SPG11: variants seen among roughly 807,000 people sequenced by gnomAD.
SPG11 encodes the protein spatacsin.
SPG11 carries 222 observed loss-of-function variants against 274.0 expected under a neutral mutation model. The observed-to-expected ratio is 0.81, with a 90% confidence interval of 0.73 to 0.91. The LOEUF (loss-of-function observed/expected upper bound fraction) is 0.91, where lower values mean the gene tolerates loss of function less well. Ranked by LOEUF, SPG11 falls within the 40% of genes least tolerant of loss-of-function variation. The probability of loss-of-function intolerance (pLI) is 0.00; values close to 1 mark genes in which losing one functional copy is unlikely to be tolerated. For synonymous variants in SPG11, 1,144 were observed against 1,039.7 expected, an observed-to-expected ratio of 1.10 and a Z score of -1.93; for missense variants, 3,114 against 2,872.7, an observed-to-expected ratio of 1.08 and a Z score of -1.92.
intron 15 of SPG11, among the ~76,000 whole-genome samples, chr15:44,619,573 A>G (rs565625342): frequency 6.6e-6 from 1 of 152,316 alleles, no homozygotes; most frequent in Admixed American, 6.5e-5. Flanking sequence ...ATACTAAGGT[A>G]TCTCCATCTC....
chr15:44,598,523 G>C (rs780044942), intron 22 of SPG11, 108 bp downstream of exon 22: 8 of 1,332,288 alleles, frequency 6.0e-6, no homozygotes, highest in Non-Finnish European at 8.6e-6. Context: ...GCAGGAAAAG[G>C]ATAAAACCAA....
intron 21 of SPG11, among the ~76,000 whole-genome samples, chr15:44,599,521 A>G (rs1456954371): frequency 6.6e-6 from 1 of 152,040 alleles, no homozygotes; most frequent in Non-Finnish European, 1.5e-5. Context: ...GCTGGTCTCA[A>G]ACTCCTGAGG....
intron 14 of SPG11, 147 bp downstream of exon 14, chr15:44,621,612 C>A: frequency 2.6e-6 from 2 of 773,450 alleles, no homozygotes; most frequent in Admixed American, 2.2e-5. Context: ...AGAAAGAGAT[C>A]TTAATGCAAC....
chr15:44,635,595 C>CAA (rs56776994), intron 7 of SPG11, among the ~76,000 whole-genome samples: 9 of 54,082 alleles, frequency 1.7e-4, no homozygotes, highest in Middle Eastern at 0.012. Context: ...AACCCTGTCT[C>CAA]AAAAAAAAAA....
intron 26 of SPG11, among the ~76,000 whole-genome samples, chr15:44,593,632 A>G (rs1035785297): frequency 2.0e-5 from 3 of 152,146 alleles, no homozygotes; most frequent in Non-Finnish European, 2.9e-5. Context: ...ATTAGAAAGT[A>G]TGGCTCTGAA....
chr15:44,598,120 G>A, intron 23 of SPG11, 145 bp downstream of exon 23: 1 of 659,732 alleles, frequency 1.5e-6, no homozygotes, highest in Non-Finnish European at 2.8e-6. Flanking sequence ...CATTTACTGA[G>A]TATCTGCTAC....
intron 20 of SPG11, among the ~76,000 whole-genome samples, chr15:44,604,590 A>G (rs2083272568): frequency 1.3e-5 from 2 of 152,150 alleles, no homozygotes; most frequent in Non-Finnish European, 2.9e-5. Context: ...AAACCATAAG[A>G]AAAAAGAAGT....
intron 2 of SPG11, among the ~76,000 whole-genome samples, 191 bp downstream of exon 2, chr15:44,660,241 T>C (rs1389531656): frequency 6.6e-6 from 1 of 152,206 alleles, no homozygotes; most frequent in Non-Finnish European, 1.5e-5. Context: ...AAATCTAATA[T>C]GTATATGACA....
intron 8 of SPG11, among the ~76,000 whole-genome samples, chr15:44,630,225 C>A (rs560069621): frequency 4.6e-5 from 7 of 152,318 alleles, no homozygotes; most frequent in African/African-American, 1.7e-4. Flanking sequence ...TGTCTCAGCA[C>A]TCCTCCCGCT....
rs1020087870 is a variant in SPG11, at chr15:44,562,790, C to G, written c.*331G>C. ...AACTGTGTAAATAATAATTAAATTT[C>G]TTTGAAACTGGAATCTGCAGGTACA... is the stretch of plus-strand genomic sequence containing the variant. On this transcript the variant is annotated 3_prime_UTR_variant, in exon 40 of 40. Transcript: ENST00000261866. 3 of 240,896 alleles carry G rather than the reference C, an allele frequency of 1.2e-5. No homozygotes were observed. The Admixed American group carries it at 1.5e-4, about 12-fold the overall frequency. The allele number at this position is 240,896 out of a possible 1,614,324, so 14.9% of individuals were successfully genotyped here. A position where few individuals can be genotyped will look rare whatever the true frequency, so the allele number is the denominator to read the frequency against.
Position 44,629,344 on chromosome 15 carries a change from T to C in SPG11, c.1780A>G (p.Ile594Val), listed in dbSNP as rs762177930. Residue 594 changes from isoleucine to valine, a missense_variant, in exon 9 of 40, where the codon ATT (isoleucine) becomes GTT (valine). By Grantham distance (29) the Ile-to-Val change is conservative (BLOSUM62 3). Coordinates refer to ENST00000261866, the MANE Select transcript of SPG11 (RefSeq NM_025137.4). Reference sequence around the variant, plus strand: ...TGGGGTTCAGAATAACTTTCTCTAATTGCCGAGCAAAGTAAATCCAATGCT... The same window carrying C: ...TGGGGTTCAGAATAACTTTCTCTAACTGCCGAGCAAAGTAAATCCAATGCT... Reference protein sequence around the residue: ...IPALDLLCSAIRESYSEPQSK... With the variant: ...IPALDLLCSAVRESYSEPQSK... 2.5e-6 allele frequency: 4 copies of C among 1,614,180 alleles called. No individual in the cohort carries two copies. Among genetic ancestry groups the C allele is most frequent in the South Asian group, 1.1e-5 (1 of 91,082 alleles).
chr15:44,564,664 G>A lies in SPG11; in HGVS notation c.7034C>T (p.Pro2345Leu), dbSNP rs748206574. 53 of 1,613,980 alleles carry A rather than the reference G, an allele frequency of 3.3e-5. No homozygotes were observed. Among genetic ancestry groups the A allele is most frequent in the Non-Finnish European group, 3.9e-5 (46 of 1,180,004 alleles). The change falls in exon 39 of 40, where the codon CCA becomes CTA. Residue 2345 changes from proline (P) to leucine (L), a missense_variant. Coordinates refer to ENST00000261866, the MANE Select transcript of SPG11 (RefSeq NM_025137.4). ...CTGGTATAAAATTTCAGCCCAATCT[G>A]GAACAAAATCGTAGGCCTCAGCCAC... ...SIVAEAYDFV[P>L]DWAEILYQQV...
chr15:44,646,851 G>A (rs554146904), intron 7 of SPG11, among the ~76,000 whole-genome samples: 1 of 152,060 alleles, frequency 6.6e-6, no homozygotes, highest in Non-Finnish European at 1.5e-5. Context: ...GGAAGGTGAG[G>A]ATTGAAAACT....
chr15:44,661,149 C>T (rs2141131630), intron 1 of SPG11, among the ~76,000 whole-genome samples: 1 of 152,272 alleles, frequency 6.6e-6, no homozygotes, highest in South Asian at 2.1e-4. Context: ...TCAATAGCCA[C>T]ATGCAGCTAC....
At chr15:44,575,260 C>A in intron 30 of SPG11, 1 of 560,722 alleles carries the variant, frequency 1.8e-6, no homozygotes, top group South Asian at 2.1e-5. Context: ...TCATATGCTA[C>A]AAAGATCAAG....
At chr15:44,656,079 A>G (rs908525525) in intron 4 of SPG11, among the ~76,000 whole-genome samples, 6 of 152,204 alleles carry the variant, frequency 3.9e-5, no homozygotes, top group Admixed American at 1.3e-4. Context: ...GCACACACAG[A>G]GGGATGGGCC....
chr15:44,584,598 T>A, intron 29 of SPG11, 40 bp from the exon 30 acceptor site: 1 of 1,596,914 alleles, frequency 6.3e-7, no homozygotes, highest in South Asian at 1.1e-5. Context: ...CTTTCTTGGA[T>A]AAAAAAGTAT....
intron 29 of SPG11, among the ~76,000 whole-genome samples, chr15:44,585,365 G>A (rs774560231): frequency 1.3e-5 from 2 of 148,908 alleles, no homozygotes; most frequent in African/African-American, 2.5e-5. Flanking sequence ...AGAGGCGGGC[G>A]GATCACAAGG....
At chr15:44,614,720 C>T (rs1432798982) in intron 16 of SPG11, among the ~76,000 whole-genome samples, 1 of 152,128 alleles carries the variant, frequency 6.6e-6, no homozygotes, top group Non-Finnish European at 1.5e-5. Context: ...GTAACTACCC[C>T]ATAGAGTTTT....
Sources: gnomAD v4.1 joint callset for allele counts (sites outside exome capture counted in the v4.1 genomes callset) on GRCh38, gnomAD v4.1.1 for gene constraint, MANE v1.5 for transcripts, NCBI Gene and HGNC (gene_info 2026-07-23, HGNC 2026-07-21) for gene names.